Variants in IMPG2 observed in about 807,000 individuals in gnomAD.
IMPG2 encodes the protein IPM 200.
A neutral mutation model predicts 129.2 loss-of-function variants in IMPG2; 91 were observed. The ratio of observed to expected loss-of-function variants is 0.70; its 90% CI spans 0.59 to 0.84. The LOEUF (loss-of-function observed/expected upper bound fraction) is 0.84, where lower values mean the gene tolerates loss of function less well. Among genes scored for constraint, IMPG2 ranks in the 40% least tolerant of loss-of-function variants. The pLI, the probability that IMPG2 is intolerant of heterozygous loss-of-function variation, is 0.00. For synonymous variants in IMPG2, 510 were observed against 517.7 expected, an observed-to-expected ratio of 0.99 and a Z score of 0.20; for missense variants, 1,430 against 1,461.7, an observed-to-expected ratio of 0.98 and a Z score of 0.35.
intron 4 of IMPG2, among the ~76,000 whole-genome samples, chr3:101,280,724 T>A (rs940866591): frequency 2.0e-5 from 3 of 152,066 alleles, no homozygotes; most frequent in Admixed American, 2.0e-4. Context: ...GGTGGACGGA[T>A]CACCTGAGGT....
intron 9 of IMPG2, among the ~76,000 whole-genome samples, chr3:101,266,872 C>T (rs936149931): frequency 6.6e-6 from 1 of 152,184 alleles, no homozygotes; most frequent in African/African-American, 2.4e-5. Flanking sequence ...GCCACTTCCC[C>T]CACTGCTAGC....
chr3:101,244,260 C>A lies in IMPG2; in HGVS notation c.2071G>T (p.Ala691Ser). 1 of 1,613,948 alleles carries A rather than the reference C, an allele frequency of 6.2e-7. No individual in the cohort carries two copies. Among genetic ancestry groups the A allele is most frequent in the Non-Finnish European group, 8.5e-7 (1 of 1,179,994 alleles). The change falls in exon 13 of 19, where the codon GCA becomes TCA. Residue 691 changes from alanine to serine, a missense_variant. Transcript: ENST00000193391. Reference sequence around the variant, plus strand: ...GACGCAGATTCAGCTGCAGTATCTGCGAAGATGGGCACAGCAGGCCCACTA... The same window carrying A: ...GACGCAGATTCAGCTGCAGTATCTGAGAAGATGGGCACAGCAGGCCCACTA... ...PLSGPAVPIF[A>S]DTAAESASLT...
Position 101,319,922 on chromosome 3 carries a change from T to C in IMPG2, c.86-90A>G. On this transcript the variant is annotated intron_variant, in intron 1 of 18. Coordinates refer to ENST00000193391, the MANE Select transcript of IMPG2 (RefSeq NM_016247.4). Reference sequence around the variant, plus strand: ...AGAAAAACTGACACTTGGGCTACATTAAGATAGAGAAGCCAGTGCCCAAAT... The same window carrying C: ...AGAAAAACTGACACTTGGGCTACATCAAGATAGAGAAGCCAGTGCCCAAAT... 57 of 1,391,954 alleles carry C rather than the reference T, an allele frequency of 4.1e-5. 1 individual carries two copies. The South Asian group carries it at 6.8e-4, about 17-fold the overall frequency. The allele number at this position is 1,391,954 out of a possible 1,614,324, so 86.2% of individuals were successfully genotyped here. A position where few individuals can be genotyped will look rare whatever the true frequency, so the allele number is the denominator to read the frequency against.
rs187847602 is a variant in IMPG2, at chr3:101,262,564, C to T, written c.909-4791G>A. Among the ~76,000 whole-genome samples, 3 of 151,970 alleles carry T rather than the reference C, an allele frequency of 2.0e-5. No individual in the cohort carries two copies. In the East Asian group the frequency reaches 5.8e-4, roughly 29 times the overall value. ...CATCACTAATATGGCTGACTAGAGA[C>T]ACCTGGTACTCATCCCCACACTACA... On this transcript the variant is annotated intron_variant, in intron 9 of 18. Transcript: ENST00000193391.
At chr3:101,270,196 C>T (rs1184616481) in intron 7 of IMPG2, among the ~76,000 whole-genome samples, 2 of 151,878 alleles carry the variant, frequency 1.3e-5, no homozygotes, top group East Asian at 1.9e-4. Flanking sequence ...CTCAGCCTCC[C>T]GAAGTGCTAG....
chr3:101,281,990 T>C (rs918581369), intron 4 of IMPG2, among the ~76,000 whole-genome samples: 9 of 152,186 alleles, frequency 5.9e-5, no homozygotes, highest in Non-Finnish European at 1.3e-4. Context: ...AGATAATCTA[T>C]GTTGTTTTAA....
At chr3:101,253,030 C>T (rs1015641442) in intron 11 of IMPG2, among the ~76,000 whole-genome samples, 1 of 151,982 alleles carries the variant, frequency 6.6e-6, no homozygotes, top group Non-Finnish European at 1.5e-5. Flanking sequence ...TTAAACTATG[C>T]TGTTTCTTTT....
intron 3 of IMPG2, among the ~76,000 whole-genome samples, chr3:101,294,448 T>C (rs1707056109): frequency 6.6e-6 from 1 of 152,218 alleles, no homozygotes; most frequent in Non-Finnish European, 1.5e-5. Context: ...CTGCATAGTA[T>C]TCCATGGTGT....
chr3:101,245,175 T>C (rs1706462500), intron 12 of IMPG2, among the ~76,000 whole-genome samples: 1 of 152,220 alleles, frequency 6.6e-6, no homozygotes, highest in Admixed American at 6.5e-5. Flanking sequence ...TTGCCTGTTA[T>C]GTTTATTGTC....
rs372321416 is a variant in IMPG2 at position 101,277,953 on chromosome 3, A to G, written c.534-1240T>C. ...TCATAGCAATTAAAAACTCTCTTCA[A>G]GTTGGGCACAGTGGCTCATGCCTGT... On this transcript the variant is annotated intron_variant, in intron 4 of 18. Transcript: ENST00000193391. Among the ~76,000 whole-genome samples the G allele has an allele frequency of 1.3e-3, 196 of 152,320 alleles. 8 individuals carry two copies. The South Asian group carries it at 0.04, about 31-fold the overall frequency.
At chr3:101,308,596 G>T (rs1378851700) in intron 2 of IMPG2, among the ~76,000 whole-genome samples, 1 of 152,200 alleles carries the variant, frequency 6.6e-6, no homozygotes, top group Admixed American at 6.5e-5. Context: ...CCCTGGGCCT[G>T]GCCATTTTTT....
rs1706470686 is a variant in IMPG2 at position 101,245,860 on chromosome 3, C to A, written c.1485G>T (p.Gln495His). ...CCTCAGAAGCCACAGGCAAGCCAGT[C>A]TGAAGCACTGCCGGGGTGACAGAAT... Reference protein sequence around the residue: ...TLHSVTPAVLQTGLPVASEER... With the variant: ...TLHSVTPAVLHTGLPVASEER... Residue 495 changes from glutamine to histidine, a missense_variant, in exon 12 of 19, where the codon CAG becomes CAT. By Grantham distance (24) the Gln-to-His change is conservative (BLOSUM62 0). Coordinates refer to ENST00000193391, the MANE Select transcript of IMPG2 (RefSeq NM_016247.4). 3 of 1,614,106 alleles carry A rather than the reference C, an allele frequency of 1.9e-6. No homozygotes were observed. Among genetic ancestry groups the A allele is most frequent in the East Asian group, 2.2e-5 (1 of 44,896 alleles).
At chr3:101,249,673 T>C (rs1206684490) in intron 11 of IMPG2, among the ~76,000 whole-genome samples, 5 of 151,450 alleles carry the variant, frequency 3.3e-5, no homozygotes, top group Non-Finnish European at 5.9e-5. Flanking sequence ...GCAAGACATC[T>C]GTAAAGAAAG....
intron 10 of IMPG2, among the ~76,000 whole-genome samples, chr3:101,256,149 G>GA (rs1474668723): frequency 5.8e-5 from 2 of 34,614 alleles, no homozygotes; most frequent in African/African-American, 1.1e-4. Flanking sequence ...AGAAAGAAAA[G>GA]AAAGAAAGAA....
At chr3:101,279,863 C>T (rs1204454251) in intron 4 of IMPG2, among the ~76,000 whole-genome samples, 1 of 152,170 alleles carries the variant, frequency 6.6e-6, no homozygotes, top group Non-Finnish European at 1.5e-5. Flanking sequence ...CTTGCCTACA[C>T]TCCAACTCTT....
intron 4 of IMPG2, among the ~76,000 whole-genome samples, chr3:101,278,980 C>T (rs1325428041): frequency 6.6e-6 from 1 of 152,144 alleles, no homozygotes; most frequent in Non-Finnish European, 1.5e-5. Flanking sequence ...GATTCAGATG[C>T]ATTCAGAAGA....
intron 3 of IMPG2, among the ~76,000 whole-genome samples, chr3:101,298,114 A>C (rs1707099389): frequency 6.6e-6 from 1 of 152,172 alleles, no homozygotes. Context: ...TAGGATAGTT[A>C]GCTCTTCTTT....
At chr3:101,309,457 A>G (rs527674769) in intron 2 of IMPG2, among the ~76,000 whole-genome samples, 108 of 152,302 alleles carry the variant, frequency 7.1e-4, no homozygotes, top group African/African-American at 2.3e-3. Context: ...TTCACATGGC[A>G]TCGGGATAGA....
At chr3:101,317,592 TTC>T (rs1167803285) in intron 2 of IMPG2, among the ~76,000 whole-genome samples, 1 of 152,194 alleles carries the variant, frequency 6.6e-6, no homozygotes, top group Non-Finnish European at 1.5e-5. Context: ...AAATACTCAT[TTC>T]TGTCAATTTT....
Sources: allele counts gnomAD v4.1 joint callset (sites outside exome capture counted in the v4.1 genomes callset), GRCh38; gene constraint gnomAD v4.1.1; transcripts MANE v1.5; gene names NCBI Gene and HGNC (gene_info 2026-07-23, HGNC 2026-07-21).